MTR: variants seen among roughly 807,000 people sequenced by gnomAD.
The protein encoded by MTR is methionine synthase.
In MTR, 84 loss-of-function variants were observed where a neutral mutation model predicts 154.8. The observed-to-expected ratio is 0.54, with a 90% confidence interval of 0.45 to 0.65. The LOEUF (loss-of-function observed/expected upper bound fraction) is 0.65. Ranked by LOEUF, MTR falls within the 30% of genes least tolerant of loss-of-function variation. The probability of loss-of-function intolerance (pLI) is 0.00; values close to 1 mark genes in which losing one functional copy is unlikely to be tolerated. For synonymous variants in MTR, 554 were observed against 553.9 expected (o/e 1.00, Z 0.00); for missense variants, 1,275 against 1,570.2 (o/e 0.81, Z 3.18).
chr1:236,830,660 A>G (rs1389537698), intron 12 of MTR, among the ~76,000 whole-genome samples: 1 of 152,212 alleles, frequency 6.6e-6, no homozygotes, highest in African/African-American at 2.4e-5. Context: ...CGGAGGAGTC[A>G]CACAGAAATG....
chr1:236,875,836 TAGAG>T (rs80233914), intron 24 of MTR, among the ~76,000 whole-genome samples: 41,058 of 151,930 alleles, frequency 0.27, 6,807 homozygotes, highest in Middle Eastern at 0.37. Context: ...TGTTTATATA[TAGAG>T]AGAAAGAGAT....
rs772736076 is a variant in MTR, at chr1:236,826,851, T to A, written c.950T>A (p.Val317Asp). The part of the protein sequence containing the change: ...HLKDFAMDGL[V>D]NIVGGCCGST... ...CAGGATTTTGCTATGGATGGCTTGGTCAATATAGTTGGAGGATGCTGTGGG... is the reference window on the plus strand; with the variant it reads ...CAGGATTTTGCTATGGATGGCTTGGACAATATAGTTGGAGGATGCTGTGGG... Residue 317 changes from valine to aspartate, a missense_variant, in exon 11 of 33, where the codon GTC becomes GAC. Physicochemically the swap from Val to Asp is radical, Grantham distance 152. Transcript: ENST00000366577. 1 of 1,614,152 alleles carries A rather than the reference T, an allele frequency of 6.2e-7. No individual in the cohort carries two copies. The highest frequency in any genetic ancestry group is 8.5e-7 in the Non-Finnish European group (1 of 1,179,988).
At chr1:236,825,140 A>ATTTTTTTTTTTTTGTTTTTTTTTT (rs1662207815) in intron 9 of MTR, among the ~76,000 whole-genome samples, 198 bp from the exon 10 acceptor site, 1 of 114,146 alleles carries the variant, frequency 8.8e-6, no homozygotes, top group Non-Finnish European at 1.7e-5. Context: ...TTCCTCTGTG[A>ATTTTTTTTTTTTTGTTTTTTTTTT]TTTTTTTTTT....
chr1:236,862,478 C>T lies in MTR; in HGVS notation c.2304+135C>T, dbSNP rs1439487811. On this transcript the variant is annotated intron_variant, in intron 21 of 32. Coordinates refer to ENST00000366577, the MANE Select transcript of MTR (RefSeq NM_000254.3). Reference sequence around the variant, plus strand: ...AAAATAGAGAAATGATCCCACATCTCTCCCTTTTTTAACCGAGTATCAGAA... The same window carrying T: ...AAAATAGAGAAATGATCCCACATCTTTCCCTTTTTTAACCGAGTATCAGAA... 7.1e-5 allele frequency: 51 copies of T among 714,316 alleles called. No individual in the cohort carries two copies. The Middle Eastern group carries it at 1.1e-3, about 16-fold the overall frequency. 44.2% of individuals were successfully genotyped at this position (714,316 alleles called of 1,614,324 possible).
At chr1:236,888,613 C>T (rs1342981752) in intron 27 of MTR, among the ~76,000 whole-genome samples, 1 of 152,226 alleles carries the variant, frequency 6.6e-6, no homozygotes, top group African/African-American at 2.4e-5. Flanking sequence ...CTGTGCTGCA[C>T]ACATGCTTGG....
In MTR at chr1:236,795,514, G is replaced by A; in HGVS notation, c.-190G>A. 3.3e-6 allele frequency: 5 copies of A among 1,525,412 alleles called. No homozygotes were observed. The highest frequency in any genetic ancestry group is 4.4e-6 in the Non-Finnish European group (5 of 1,139,878). The allele number at this position is 1,525,412 out of a possible 1,614,324, so 94.5% of individuals were successfully genotyped here. A position where few individuals can be genotyped will look rare whatever the true frequency, so the allele number is the denominator to read the frequency against. ...GTTGCCGCGCCCAGCCCCGAGAGAG[G>A]CCCTAGGGCGCTGCGGGCTTTCGGG... On this transcript the variant is annotated 5_prime_UTR_variant, in exon 1 of 33. Coordinates refer to ENST00000366577, the MANE Select transcript of MTR (RefSeq NM_000254.3).
intron 18 of MTR, 125 bp downstream of exon 18, chr1:236,853,213 G>A (rs1664020979): frequency 8.4e-7 from 1 of 1,187,258 alleles, no homozygotes; most frequent in African/African-American, 1.5e-5. Flanking sequence ...GATCACTGAA[G>A]ATTTCTACAG....
chr1:236,825,737 A>C (rs1042943792), intron 10 of MTR, among the ~76,000 whole-genome samples: 2 of 152,082 alleles, frequency 1.3e-5, no homozygotes, highest in Non-Finnish European at 2.9e-5. Context: ...GGTGGAGTAG[A>C]TGTCCCCCTG....
At chr1:236,880,938 A>T in intron 25 of MTR, 102 bp downstream of exon 25, 1 of 1,195,756 alleles carries the variant, frequency 8.4e-7, no homozygotes, top group East Asian at 2.4e-5. Flanking sequence ...AGTTCTACTA[A>T]ATAAAGGTCA....
chr1:236,815,602 A>G lies in MTR; in HGVS notation c.610-2A>G. 1 of 1,613,896 alleles carries G rather than the reference A, an allele frequency of 6.2e-7. No homozygotes were observed. Among genetic ancestry groups the G allele is most frequent in the Non-Finnish European group, 8.5e-7 (1 of 1,179,826 alleles). On this transcript the variant is annotated splice_acceptor_variant, in intron 6 of 32. Transcript: ENST00000366577. LOFTEE classifies it high-confidence loss of function. ...AGACGTTCTTTCTTTTTTCCCTGAC[A>G]GGCAGCCTTGTTTGCACTCCAAAAT...
intron 1 of MTR, among the ~76,000 whole-genome samples, chr1:236,797,277 A>G (rs1314698513): frequency 5.3e-5 from 8 of 152,322 alleles, no homozygotes; most frequent in South Asian, 2.1e-4. Flanking sequence ...CTGGCGTACA[A>G]TCTTAATGAA....
rs1467440435 is a variant in MTR at position 236,902,915 on chromosome 1, CTG to C, written c.*5272_*5273del. On this transcript the variant is annotated 3_prime_UTR_variant, in exon 33 of 33. Transcript: ENST00000366577. ...CTATGTGTATTGTCAAATTGTAGAA[CTG>C]AAAGTATATTCTGATTCGGTGTGTG... The C allele has an allele frequency of 6.6e-6, 1 of 152,166 alleles. No homozygotes were observed. Among genetic ancestry groups the C allele is most frequent in the African/African-American group, 2.4e-5 (1 of 41,426 alleles). 9.4% of individuals were successfully genotyped at this position (152,166 alleles called of 1,614,324 possible).
At chr1:236,877,314 A>G (rs1027535559) in intron 24 of MTR, among the ~76,000 whole-genome samples, 5 of 152,212 alleles carry the variant, frequency 3.3e-5, no homozygotes, top group African/African-American at 4.8e-5. Flanking sequence ...GTACAACTTG[A>G]CAAGTTTTTA....
At chr1:236,800,594 C>A in intron 1 of MTR, 1 of 640,858 alleles carries the variant, frequency 1.6e-6, no homozygotes, top group Non-Finnish European at 1.9e-6. Flanking sequence ...TCCCAACCTG[C>A]AAATATGCCA....
At chr1:236,800,761 TTACTA>T (rs541633022) in intron 1 of MTR, among the ~76,000 whole-genome samples, 14 of 152,228 alleles carry the variant, frequency 9.2e-5, no homozygotes, top group Non-Finnish European at 1.8e-4. Context: ...TATCAGATGT[TTACTA>T]TACATCAAAC....
At chr1:236,893,535 AC>A (rs1219174759) in intron 29 of MTR, among the ~76,000 whole-genome samples, 1 of 152,222 alleles carries the variant, frequency 6.6e-6, no homozygotes, top group African/African-American at 2.4e-5. Context: ...CACCTATGTC[AC>A]AAGGTGGTTG....
At chr1:236,820,137 T>C in intron 8 of MTR, 1 of 765,868 alleles carries the variant, frequency 1.3e-6, no homozygotes, top group Non-Finnish European at 2.4e-6. Flanking sequence ...ACAAGGGAGC[T>C]CACTCGGTGG....
chr1:236,886,129 A>T lies in MTR; in HGVS notation c.2776-163A>T, dbSNP rs16834510. Among the ~76,000 whole-genome samples the T allele has an allele frequency of 0.019, 2,820 of 152,286 alleles. 94 individuals are homozygous for T. Among genetic ancestry groups the T allele is most frequent in the African/African-American group, 0.065 (2,688 of 41,548 alleles). On this transcript the variant is annotated intron_variant, in intron 26 of 32. Coordinates refer to ENST00000366577, the MANE Select transcript of MTR (RefSeq NM_000254.3). ...TCTATTGTTCTGGTGCCAATGTGAA[A>T]CCGACTGGGTAGAAAAGGAAGAGCT...
At chr1:236,855,465 C>T (rs1184267303) in intron 18 of MTR, among the ~76,000 whole-genome samples, 2 of 152,168 alleles carry the variant, frequency 1.3e-5, no homozygotes, top group Non-Finnish European at 2.9e-5. Context: ...GGCCAGGCCT[C>T]CTATGGAGTG....
Sources: allele counts gnomAD v4.1 joint callset (sites outside exome capture counted in the v4.1 genomes callset), GRCh38; gene constraint gnomAD v4.1.1; transcripts MANE v1.5; gene names NCBI Gene and HGNC (gene_info 2026-07-23, HGNC 2026-07-21).